The following RBFOX1 variants were observed in gnomAD, a reference collection of about 807,000 sequenced individuals.
RBFOX1 encodes RNA binding protein fox-1 homolog 1.
In RBFOX1, 8 loss-of-function variants were observed where a neutral mutation model predicts 57.7. That is an observed-to-expected ratio of 0.14 (90% CI 0.08 to 0.25). The LOEUF is 0.25. RBFOX1 is among the 10% of genes least tolerant of loss of function. The pLI is 1.00. For missense variants in RBFOX1, 611 were observed against 548.5 expected, an observed-to-expected ratio of 1.11 and a Z score of -1.14; for synonymous variants, 326 against 222.4, an observed-to-expected ratio of 1.47 and a Z score of -4.15.
chr16:5,566,888 G>C (rs76625486), intron 2 of RBFOX1, among the ~76,000 whole-genome samples: 5,599 of 152,142 alleles, frequency 0.037, 344 homozygotes, highest in African/African-American at 0.13. Flanking sequence ...ACAGTGACTG[G>C]TCTGGACACC....
At chr16:7,575,063 G>C (rs1015913888) in intron 5 of RBFOX1, among the ~76,000 whole-genome samples, 4 of 151,770 alleles carry the variant, frequency 2.6e-5, no homozygotes, top group African/African-American at 9.7e-5. Flanking sequence ...GGGGGGCTGT[G>C]GGGGAGGAGG....
intron 3 of RBFOX1, among the ~76,000 whole-genome samples, chr16:6,944,367 C>T (rs112645308): frequency 1.3e-5 from 2 of 148,846 alleles, no homozygotes; most frequent in African/African-American, 5.0e-5. Flanking sequence ...TGTACTCCAG[C>T]CTGGCAACAG....
intron 1 of RBFOX1, among the ~76,000 whole-genome samples, chr16:6,152,617 A>G (rs1346782713): frequency 6.6e-6 from 1 of 152,218 alleles, no homozygotes; most frequent in Admixed American, 6.5e-5. Context: ...TAATTACACT[A>G]GAAATATTAC....
intron 3 of RBFOX1, among the ~76,000 whole-genome samples, chr16:6,768,850 T>A: frequency 6.6e-6 from 1 of 151,762 alleles, no homozygotes; most frequent in East Asian, 1.9e-4. Flanking sequence ...TGCCTCAGCC[T>A]CCCGAGTAGC....
chr16:6,063,165 C>G (rs1380498918), intron 1 of RBFOX1, among the ~76,000 whole-genome samples: 1 of 152,042 alleles, frequency 6.6e-6, no homozygotes, highest in East Asian at 1.9e-4. Context: ...CTGACCATCC[C>G]AGCATCCTTT....
chr16:6,394,642 T>TA (rs764186832), intron 2 of RBFOX1, among the ~76,000 whole-genome samples: 2 of 151,272 alleles, frequency 1.3e-5, no homozygotes, highest in Non-Finnish European at 2.9e-5. Context: ...ATATATATAT[T>TA]ATGTGTATTA....
chr16:5,853,992 T>A (rs2056962250), intron 3 of RBFOX1, among the ~76,000 whole-genome samples: 2 of 152,228 alleles, frequency 1.3e-5, no homozygotes, highest in Non-Finnish European at 2.9e-5. Flanking sequence ...ATTGACTATA[T>A]TTGATCATAT....
intron 3 of RBFOX1, among the ~76,000 whole-genome samples, chr16:5,673,275 G>T (rs1262578910): frequency 6.6e-6 from 1 of 152,062 alleles, no homozygotes; most frequent in Admixed American, 6.5e-5. Context: ...CACATTACAG[G>T]GTCAGAAGGA....
chr16:7,363,158 G>A (rs1316571086), intron 4 of RBFOX1, among the ~76,000 whole-genome samples: 1 of 152,162 alleles, frequency 6.6e-6, no homozygotes, highest in Non-Finnish European at 1.5e-5. Flanking sequence ...TTCATTATGA[G>A]AGGCTTTGGG....
intron 1 of RBFOX1, among the ~76,000 whole-genome samples, chr16:6,024,686 C>T (rs1416726468): frequency 6.6e-6 from 1 of 152,026 alleles, no homozygotes; most frequent in Non-Finnish European, 1.5e-5. Flanking sequence ...ATGGAGTTTC[C>T]CCATGACTGG....
At chr16:6,648,481 C>A (rs1431358863) in intron 2 of RBFOX1, among the ~76,000 whole-genome samples, 1 of 152,142 alleles carries the variant, frequency 6.6e-6, no homozygotes, top group Non-Finnish European at 1.5e-5. Context: ...TAAATAGTAA[C>A]ACCCTGCTTT....
chr16:5,327,291 A>G (rs779004056), intron 1 of RBFOX1, among the ~76,000 whole-genome samples: 7 of 152,026 alleles, frequency 4.6e-5, no homozygotes, highest in East Asian at 1.9e-4. Flanking sequence ...CTGCCTCTCT[A>G]TTGAGTCTGT....
intron 4 of RBFOX1, among the ~76,000 whole-genome samples, chr16:5,955,233 A>G (rs1427269991): frequency 6.8e-6 from 1 of 147,304 alleles, no homozygotes; most frequent in Non-Finnish European, 1.5e-5. Context: ...GTGAGCCAAG[A>G]TTATGCCATT....
intron 2 of RBFOX1, among the ~76,000 whole-genome samples, chr16:6,570,652 G>A (rs1213099224): frequency 6.6e-6 from 1 of 151,938 alleles, no homozygotes; most frequent in Non-Finnish European, 1.5e-5. Flanking sequence ...TTTTATTTAG[G>A]CTTGGCTAAA....
In RBFOX1 at chr16:5,421,165, C is replaced by T. The variant is rs115451080; in HGVS notation, c.220-46051C>T. Reference sequence around the variant, plus strand: ...GGGACAACAGGCATGGGCCACTACACCTGGCTAATTTTTGTAGTTTTTGGT... The same window carrying T: ...GGGACAACAGGCATGGGCCACTACATCTGGCTAATTTTTGTAGTTTTTGGT... On this transcript the variant is annotated intron_variant, in intron 1 of 2. Coordinates refer to the RBFOX1 transcript ENST00000585867. Among the ~76,000 whole-genome samples the T allele has an allele frequency of 8.9e-3, 1,357 of 151,862 alleles. 21 individuals carry two copies. The highest frequency in any genetic ancestry group is 0.032 in the African/African-American group (1,310 of 41,382).
chr16:6,999,212 A>ATTTTTTTTTTTTT (rs1254312494), intron 3 of RBFOX1, among the ~76,000 whole-genome samples: 24 of 117,680 alleles, frequency 2.0e-4, no homozygotes, highest in Admixed American at 4.3e-4. Context: ...TTTTATTTTT[A>ATTTTTTTTTTTTT]TTTATTTTTT....
chr16:6,211,963 T>C (rs2097301451), intron 1 of RBFOX1, among the ~76,000 whole-genome samples: 1 of 151,986 alleles, frequency 6.6e-6, no homozygotes, highest in African/African-American at 2.4e-5. Context: ...AATTCTCATG[T>C]CTCAGCCTCC....
At chr16:6,072,997 T>G (rs2095854986) in intron 1 of RBFOX1, among the ~76,000 whole-genome samples, 1 of 152,182 alleles carries the variant, frequency 6.6e-6, no homozygotes, top group Non-Finnish European at 1.5e-5. Context: ...ACCATAAAAA[T>G]CTATAATATT....
chr16:5,688,523 C>T (rs1423751774), intron 3 of RBFOX1, among the ~76,000 whole-genome samples: 1 of 152,134 alleles, frequency 6.6e-6, no homozygotes, highest in African/African-American at 2.4e-5. Flanking sequence ...CTTGTACCTC[C>T]CAGATGTCCA....
Sources: gnomAD v4.1 joint callset for allele counts (sites outside exome capture counted in the v4.1 genomes callset) on GRCh38, gnomAD v4.1.1 for gene constraint, MANE v1.5 for transcripts, NCBI Gene and HGNC (gene_info 2026-07-23, HGNC 2026-07-21) for gene names.